Variants in GPM6A observed in about 807,000 individuals in gnomAD.
GPM6A encodes neuronal membrane glycoprotein M6-a.
A neutral mutation model predicts 32.1 loss-of-function variants in GPM6A; 7 were observed. The ratio of observed to expected loss-of-function variants is 0.22; its 90% confidence interval spans 0.12 to 0.41. The LOEUF is 0.41. GPM6A is among the 10% of genes least tolerant of loss of function. The probability of loss-of-function intolerance (pLI) is 1.00; values close to 1 mark genes in which losing one functional copy is unlikely to be tolerated. For synonymous variants in GPM6A, 130 were observed against 123.4 expected, an observed-to-expected ratio of 1.05 and a Z score of -0.35; for missense variants, 235 against 347.2, an observed-to-expected ratio of 0.68 and a Z score of 2.57.
chr4:175,708,749 G>A (rs921591506), intron 1 of GPM6A, among the ~76,000 whole-genome samples: 1 of 152,120 alleles, frequency 6.6e-6, no homozygotes, highest in Non-Finnish European at 1.5e-5. Context: ...ACACAGGAGA[G>A]GTTAAAATAT....
intron 1 of GPM6A, among the ~76,000 whole-genome samples, chr4:175,704,506 A>G (rs1208378396): frequency 6.6e-6 from 1 of 152,166 alleles, no homozygotes; most frequent in Admixed American, 6.5e-5. Flanking sequence ...GGTGGAGATT[A>G]ACAGGGCAGC....
At chr4:175,900,465 C>T (rs1231917720) in intron 1 of GPM6A, among the ~76,000 whole-genome samples, 3 of 145,782 alleles carry the variant, frequency 2.1e-5, no homozygotes, top group Non-Finnish European at 4.5e-5. Flanking sequence ...AAAATATGAA[C>T]AAACCCATCT....
upstream of GPM6A, chr4:175,812,302 T>TTTTTTTTG (rs1734957755): frequency 3.2e-6 from 3 of 925,648 alleles, no homozygotes; most frequent in Non-Finnish European, 4.0e-6. Context: ...AAACTGGGGG[T>TTTTTTTTG]TTTTTTTTTT....
chr4:175,682,726 TA>T (rs1427387590), intron 2 of GPM6A, among the ~76,000 whole-genome samples: 5 of 152,158 alleles, frequency 3.3e-5, no homozygotes, highest in African/African-American at 1.2e-4. Context: ...GTGCAAGCCA[TA>T]AGCCCTGTCA....
chr4:175,870,219 A>AGT (rs1736864226), intron 1 of GPM6A, among the ~76,000 whole-genome samples: 1 of 152,128 alleles, frequency 6.6e-6, no homozygotes, highest in East Asian at 1.9e-4. Context: ...TTCACTTTAA[A>AGT]ATACAAGATC....
At position 175,894,735 on chromosome 4, in the gene GPM6A, C is replaced by T. The variant is rs541249741; in HGVS notation, c.-22-82486G>A. On this transcript the variant is annotated intron_variant, in intron 1 of 7. Coordinates refer to the GPM6A transcript ENST00000280187. ...TCTGTCAAAAGGGGAGTGGCTAAAT[C>T]ATTTTGGCTAATTAATTTCAAACAC... 5.3e-5 allele frequency among the ~76,000 whole-genome samples: 8 copies of T among 152,224 alleles called. No homozygotes were observed. The East Asian group carries it at 1.4e-3, about 26-fold the overall frequency.
In GPM6A at chr4:175,634,911, G is replaced by A; in HGVS notation, c.831C>T (p.Tyr277=). Residue 277 remains tyrosine (Y), a synonymous_variant, in exon 7 of 7, where the codon TAC becomes TAT. Coordinates refer to ENST00000393658, the MANE Select transcript of GPM6A (RefSeq NM_201591.3). ...AAAGAACAGGAAGATGCATTTATGT[G>A]TATGCATTGAGCCGCTCTTTGGAGC... ...STRSKERLNA[Y]T is the part of the protein sequence containing the mutation. The A allele has an allele frequency of 1.9e-6, 3 of 1,611,524 alleles. No homozygotes were observed. Among genetic ancestry groups the A allele is most frequent in the East Asian group, 2.2e-5 (1 of 44,838 alleles).
In GPM6A at chr4:175,665,074, C is replaced by T. The variant is rs376563461; in HGVS notation, c.387+8606G>A. Among the ~76,000 whole-genome samples the T allele has an allele frequency of 1.4e-3, 214 of 152,222 alleles. 9 individuals are homozygous for T. The South Asian group carries it at 0.044, about 31-fold the overall frequency. On this transcript the variant is annotated intron_variant, in intron 3 of 6. Coordinates refer to ENST00000393658, the MANE Select transcript of GPM6A (RefSeq NM_201591.3). ...ATATGGTATTGAAAGCCTACAGGAC[C>T]ACCCTCTGACACGTGGTTCAGCACT...
upstream of GPM6A, among the ~76,000 whole-genome samples, chr4:175,816,868 AT>A (rs66480555): frequency 0.72 from 108,261 of 149,976 alleles, 39,135 homozygotes; most frequent in East Asian, 0.77. Flanking sequence ...TTTTATTTTT[AT>A]TTTTTTTTTG....
intron 1 of GPM6A, among the ~76,000 whole-genome samples, chr4:175,896,466 C>A (rs546110058): frequency 1.3e-5 from 2 of 152,254 alleles, no homozygotes; most frequent in South Asian, 4.1e-4. Context: ...ATGTCTGCCC[C>A]CTTTGAAGCC....
In GPM6A at chr4:175,953,054, AAAAG is replaced by A. The variant is rs1268092164; in HGVS notation, c.-23+49251_-23+49254del. ...TTAAAAAAAAAAAAAAAAGGAGAGA[AAAAG>A]AAAAGAAAAACAGAAATCCCCTTGC... On this transcript the variant is annotated intron_variant, in intron 1 of 7. Transcript: ENST00000280187. Among the ~76,000 whole-genome samples, 5 of 151,908 alleles carry A rather than the reference AAAAG, an allele frequency of 3.3e-5. No individual in the cohort carries two copies. The East Asian group carries it at 9.6e-4, about 29-fold the overall frequency.
chr4:175,966,156 C>T (rs897401888), intron 1 of GPM6A, among the ~76,000 whole-genome samples: 1 of 152,064 alleles, frequency 6.6e-6, no homozygotes, highest in African/African-American at 2.4e-5. Context: ...CCTGTAATCC[C>T]AGCACTTTTG....
chr4:175,941,085 T>G (rs1739390630), intron 1 of GPM6A, among the ~76,000 whole-genome samples: 1 of 152,226 alleles, frequency 6.6e-6, no homozygotes, highest in African/African-American at 2.4e-5. Flanking sequence ...TACTAAGTGA[T>G]ATAAAAGATT....
intron 1 of GPM6A, among the ~76,000 whole-genome samples, chr4:175,710,013 T>A (rs2111087357): frequency 6.6e-6 from 1 of 152,128 alleles, no homozygotes; most frequent in Non-Finnish European, 1.5e-5. Flanking sequence ...TGCCTCCCCT[T>A]CAAACACAAA....
intron 1 of GPM6A, among the ~76,000 whole-genome samples, chr4:175,904,907 G>A (rs915488235): frequency 3.3e-5 from 5 of 152,048 alleles, no homozygotes; most frequent in East Asian, 1.9e-4. Flanking sequence ...TAAACCAGAC[G>A]GATATTGTAA....
At chr4:175,879,844 A>G (rs1382360500) in intron 1 of GPM6A, among the ~76,000 whole-genome samples, 1 of 152,208 alleles carries the variant, frequency 6.6e-6, no homozygotes, top group Non-Finnish European at 1.5e-5. Context: ...TGAGAAAACA[A>G]TAATAATAAA....
At chr4:175,915,034 G>C (rs1738446549) in intron 1 of GPM6A, among the ~76,000 whole-genome samples, 1 of 152,022 alleles carries the variant, frequency 6.6e-6, no homozygotes, top group African/African-American at 2.4e-5. Flanking sequence ...GCCTTCTAAA[G>C]CTTTTTTGAC....
upstream of GPM6A, chr4:175,813,024 T>A: frequency 1.0e-6 from 1 of 984,136 alleles, no homozygotes; most frequent in Non-Finnish European, 1.2e-6. Context: ...GCTCTAAGCC[T>A]GAGAGATACA....
chr4:175,863,997 T>C (rs1375955633), intron 1 of GPM6A, among the ~76,000 whole-genome samples: 2 of 151,184 alleles, frequency 1.3e-5, no homozygotes, highest in Non-Finnish European at 2.9e-5. Context: ...AGAGACCCTG[T>C]CTCCGAAAAA....
Sources: gnomAD v4.1 joint callset for allele counts (sites outside exome capture counted in the v4.1 genomes callset) on GRCh38, gnomAD v4.1.1 for gene constraint, MANE v1.5 for transcripts, NCBI Gene and HGNC (gene_info 2026-07-23, HGNC 2026-07-21) for gene names.